The following GALNT18 variants were observed in gnomAD, a reference collection of about 807,000 sequenced individuals.
GALNT18 encodes GalNAc-transferase 18.
GALNT18 carries 44 observed loss-of-function variants against 69.5 expected under a neutral mutation model. The ratio of observed to expected loss-of-function variants is 0.63; its 90% CI spans 0.50 to 0.81. The LOEUF (loss-of-function observed/expected upper bound fraction) is 0.81. Ranked by LOEUF, GALNT18 falls within the 40% of genes least tolerant of loss-of-function variation. GALNT18 has a pLI of 0.00. For synonymous variants in GALNT18, 364 were observed against 318.2 expected, an observed-to-expected ratio of 1.14 and a Z score of -1.53; for missense variants, 715 against 810.0, an observed-to-expected ratio of 0.88 and a Z score of 1.42.
intron 1 of GALNT18, among the ~76,000 whole-genome samples, chr11:11,515,025 A>G (rs1857243345): frequency 6.6e-6 from 1 of 152,230 alleles, no homozygotes; most frequent in Non-Finnish European, 1.5e-5. Context: ...TGTGGTCCAA[A>G]TGAGAGGCAT....
chr11:11,390,575 A>G (rs531971199), intron 3 of GALNT18, among the ~76,000 whole-genome samples: 1 of 152,340 alleles, frequency 6.6e-6, no homozygotes, highest in East Asian at 1.9e-4. Flanking sequence ...CTGTGTGACC[A>G]GGGGCCTCAG....
intron 10 of GALNT18, among the ~76,000 whole-genome samples, chr11:11,273,488 A>G (rs893537585): frequency 6.6e-5 from 10 of 152,216 alleles, no homozygotes; most frequent in African/African-American, 2.2e-4. Context: ...AGCAAAAACT[A>G]TAATGAATCA....
chr11:11,457,242 G>A (rs941818864), intron 1 of GALNT18, among the ~76,000 whole-genome samples: 2 of 152,228 alleles, frequency 1.3e-5, no homozygotes, highest in East Asian at 3.9e-4. Flanking sequence ...GCTTCAGAGT[G>A]AAAGGGGTAT....
intron 6 of GALNT18, among the ~76,000 whole-genome samples, chr11:11,360,668 G>T (rs1052167271): frequency 6.6e-6 from 1 of 151,892 alleles, no homozygotes; most frequent in Non-Finnish European, 1.5e-5. Flanking sequence ...TTTCTTGGTG[G>T]TAATGATTTC....
chr11:11,282,762 CAT>C (rs1448280566), intron 10 of GALNT18, among the ~76,000 whole-genome samples: 1 of 152,160 alleles, frequency 6.6e-6, no homozygotes, highest in African/African-American at 2.4e-5. Context: ...CCATTCAACA[CAT>C]ATTTAATGAG....
chr11:11,479,318 C>T (rs1856473194), intron 1 of GALNT18, among the ~76,000 whole-genome samples: 1 of 151,954 alleles, frequency 6.6e-6, no homozygotes, highest in African/African-American at 2.4e-5. Context: ...CCGTTTTAAC[C>T]CAAAGTTTGA....
intron 9 of GALNT18, among the ~76,000 whole-genome samples, chr11:11,297,206 C>T (rs1289683245): frequency 1.3e-5 from 2 of 152,078 alleles, no homozygotes; most frequent in Non-Finnish European, 2.9e-5. Flanking sequence ...ATTATCTAGC[C>T]AAAATGTCAG....
At chr11:11,353,237 G>A in intron 6 of GALNT18, 1 of 1,292,308 alleles carries the variant, frequency 7.7e-7, no homozygotes, top group Non-Finnish European at 1.1e-6. Flanking sequence ...ACACTGTGGT[G>A]GAAGCGGCAG....
At chr11:11,566,394 C>T (rs1030901396) in intron 1 of GALNT18, among the ~76,000 whole-genome samples, 3 of 152,218 alleles carry the variant, frequency 2.0e-5, no homozygotes, top group African/African-American at 7.2e-5. Context: ...CTATGAAGAA[C>T]ATCCTTGGGA....
intron 6 of GALNT18, among the ~76,000 whole-genome samples, chr11:11,371,413 G>A (rs1850901140): frequency 6.6e-6 from 1 of 152,228 alleles, no homozygotes; most frequent in Admixed American, 6.5e-5. Flanking sequence ...GGAGACATCA[G>A]ATGCAGACAC....
chr11:11,387,101 T>C lies in GALNT18; in HGVS notation c.596-7837A>G, dbSNP rs56344336. Among the ~76,000 whole-genome samples the C allele has an allele frequency of 0.086, 13,118 of 152,228 alleles. 724 individuals carry two copies. Among genetic ancestry groups the C allele is most frequent in the Admixed American group, 0.15 (2,369 of 15,292 alleles). Reference sequence around the variant, plus strand: ...GCCAAATACGTGTGGTTCCAGCCCATAACACAAGGATGTAAATGCAGTCTG... The same window carrying C: ...GCCAAATACGTGTGGTTCCAGCCCACAACACAAGGATGTAAATGCAGTCTG... On this transcript the variant is annotated intron_variant, in intron 3 of 10. Transcript: ENST00000227756. The surrounding 1 kb of genome is among the most constrained non-coding windows in gnomAD (Gnocchi z 4.6).
At chr11:11,556,979 C>T (rs984461699) in intron 1 of GALNT18, among the ~76,000 whole-genome samples, 1 of 152,184 alleles carries the variant, frequency 6.6e-6, no homozygotes, top group South Asian at 2.1e-4. Context: ...GGTGCCATAA[C>T]ATTAGTCTGC....
At chr11:11,272,400 C>A (rs778712868) in intron 10 of GALNT18, among the ~76,000 whole-genome samples, 1 of 152,170 alleles carries the variant, frequency 6.6e-6, no homozygotes. Flanking sequence ...TCCCTTCCAA[C>A]CTCCAGAGGC....
At chr11:11,272,770 C>T (rs1320883074) in intron 10 of GALNT18, among the ~76,000 whole-genome samples, 2 of 151,838 alleles carry the variant, frequency 1.3e-5, no homozygotes, top group African/African-American at 4.9e-5. Flanking sequence ...CCTCAGTCTA[C>T]AAGCTGGGCT....
intron 7 of GALNT18, among the ~76,000 whole-genome samples, chr11:11,334,520 G>A (rs1850076650): frequency 6.6e-6 from 1 of 150,714 alleles, no homozygotes; most frequent in South Asian, 2.1e-4. Context: ...TCCAGCCTGG[G>A]CGACAGAGCA....
At chr11:11,491,775 G>A (rs555515531) in intron 1 of GALNT18, among the ~76,000 whole-genome samples, 1 of 152,308 alleles carries the variant, frequency 6.6e-6, no homozygotes, top group African/African-American at 2.4e-5. Flanking sequence ...ACCAGGCCAA[G>A]TTGGCTGGCA....
intron 3 of GALNT18, among the ~76,000 whole-genome samples, chr11:11,425,733 G>C (rs530531169): frequency 6.6e-6 from 1 of 152,276 alleles, no homozygotes; most frequent in South Asian, 2.1e-4. Flanking sequence ...CTTGCTCTGT[G>C]CCAGGTACTG....
chr11:11,350,218 A>G (rs1850374634), intron 6 of GALNT18, among the ~76,000 whole-genome samples: 1 of 152,200 alleles, frequency 6.6e-6, no homozygotes, highest in Non-Finnish European at 1.5e-5. Flanking sequence ...TTAGAGGGGC[A>G]ACAGTAATGT....
Position 11,619,735 on chromosome 11 carries a change from C to T in GALNT18, c.235+1624G>A, listed in dbSNP as rs190459276. On this transcript the variant is annotated intron_variant, in intron 1 of 10. Transcript: ENST00000227756. This position sits in a 1 kb window ranked among gnomAD's most constrained non-coding sequence, Gnocchi z 4.9. Reference sequence around the variant, plus strand: ...TGGGGGAAACACTGTACTTCTATTGCTGATTAATAGTCAATCAAGACCTAT... The same window carrying T: ...TGGGGGAAACACTGTACTTCTATTGTTGATTAATAGTCAATCAAGACCTAT... Among the ~76,000 whole-genome samples, 6 of 152,306 alleles carry T rather than the reference C, an allele frequency of 3.9e-5. No individual in the cohort carries two copies. In the East Asian group the frequency reaches 1.2e-3, roughly 29 times the overall value.
Sources: allele counts gnomAD v4.1 joint callset (sites outside exome capture counted in the v4.1 genomes callset), GRCh38; gene constraint gnomAD v4.1.1; non-coding constraint Gnocchi (gnomAD v3.1); transcripts MANE v1.5; gene names NCBI Gene and HGNC (gene_info 2026-07-23, HGNC 2026-07-21).